Variants in FHIT observed in about 807,000 individuals in gnomAD.
FHIT encodes bis(5'-adenosyl)-triphosphatase.
Under a neutral mutation model 17.9 loss-of-function variants are expected in FHIT, and 19 were observed. The observed-to-expected ratio is 1.06, with a 90% CI of 0.74 to 1.56. The LOEUF is 1.56. Ranked by LOEUF, FHIT falls within the 40% of genes most tolerant of loss-of-function variation. The pLI is 0.00. For synonymous variants in FHIT, 81 were observed against 69.7 expected, an observed-to-expected ratio of 1.16 and a Z score of -0.81; for missense variants, 248 against 189.2, an observed-to-expected ratio of 1.31 and a Z score of -1.82.
intron 4 of FHIT, among the ~76,000 whole-genome samples, chr3:60,606,611 G>A (rs1018093355): frequency 6.6e-6 from 1 of 151,962 alleles, no homozygotes; most frequent in Non-Finnish European, 1.5e-5. Flanking sequence ...TAGTGAATTG[G>A]GTGCCTTTTC....
intron 4 of FHIT, among the ~76,000 whole-genome samples, chr3:60,665,311 G>A (rs370018064): frequency 6.6e-4 from 101 of 152,026 alleles, no homozygotes; most frequent in Admixed American, 1.7e-3. Flanking sequence ...TTGTGATGGC[G>A]CAATCTTCTA....
At chr3:60,724,041 G>T (rs1352326079) in intron 4 of FHIT, among the ~76,000 whole-genome samples, 1 of 152,114 alleles carries the variant, frequency 6.6e-6, no homozygotes, top group African/African-American at 2.4e-5. Flanking sequence ...TACAATTCAA[G>T]ATTTATATTC....
chr3:61,221,778 T>C (rs1488934180), intron 1 of FHIT, among the ~76,000 whole-genome samples: 2 of 152,182 alleles, frequency 1.3e-5, no homozygotes, highest in Admixed American at 6.5e-5. Flanking sequence ...GGTTGGAGAA[T>C]ACCAGCTCCC....
intron 3 of FHIT, among the ~76,000 whole-genome samples, chr3:60,986,934 C>T (rs1215095916): frequency 1.3e-5 from 2 of 152,204 alleles, no homozygotes; most frequent in East Asian, 1.9e-4. Flanking sequence ...GTCTACATTG[C>T]TTGGTTCATT....
chr3:60,961,342 T>G (rs181530935), intron 3 of FHIT, among the ~76,000 whole-genome samples: 129 of 152,346 alleles, frequency 8.5e-4, no homozygotes, highest in African/African-American at 2.6e-3. Context: ...CTTTGTCAGA[T>G]GCGTACATTG....
chr3:60,058,029 C>G (rs946207259), intron 5 of FHIT, among the ~76,000 whole-genome samples: 1 of 150,572 alleles, frequency 6.6e-6, no homozygotes, highest in African/African-American at 2.4e-5. Flanking sequence ...AATAGGCAAG[C>G]TTACAGAGAC....
intron 5 of FHIT, among the ~76,000 whole-genome samples, chr3:60,159,850 T>G (rs911378328): frequency 6.6e-6 from 1 of 152,100 alleles, no homozygotes; most frequent in African/African-American, 2.4e-5. Flanking sequence ...CTCATAACCA[T>G]GAGGACACAT....
intron 5 of FHIT, among the ~76,000 whole-genome samples, chr3:60,131,824 A>G (rs1157003087): frequency 6.6e-6 from 1 of 151,836 alleles, no homozygotes; most frequent in African/African-American, 2.4e-5. Flanking sequence ...TTGCTTTCCT[A>G]TCTCTTCTCA....
chr3:61,012,337 GACA>G (rs781703333), intron 3 of FHIT, among the ~76,000 whole-genome samples: 90 of 152,170 alleles, frequency 5.9e-4, no homozygotes, highest in Non-Finnish European at 1.1e-3. Context: ...TCTTTTTCAA[GACA>G]GTTTTTCTCT....
At chr3:60,983,853 A>G (rs1043070514) in intron 3 of FHIT, among the ~76,000 whole-genome samples, 2 of 152,210 alleles carry the variant, frequency 1.3e-5, no homozygotes, top group African/African-American at 4.8e-5. Context: ...TACAGCCTCA[A>G]AACACTTCTT....
intron 4 of FHIT, among the ~76,000 whole-genome samples, chr3:60,643,244 A>C: frequency 1.3e-5 from 2 of 149,170 alleles, no homozygotes; most frequent in East Asian, 2.0e-4. Context: ...TCTTTCCCCC[A>C]CCCCCCACAG....
chr3:60,150,944 T>TA (rs1245423568), intron 5 of FHIT, among the ~76,000 whole-genome samples: 1 of 152,110 alleles, frequency 6.6e-6, no homozygotes, highest in Admixed American at 6.6e-5. Flanking sequence ...ATTTAATTTT[T>TA]AAAAATCAGC....
At chr3:59,894,673 G>C (rs746893611) in intron 8 of FHIT, among the ~76,000 whole-genome samples, 1 of 152,128 alleles carries the variant, frequency 6.6e-6, no homozygotes, top group Non-Finnish European at 1.5e-5. Flanking sequence ...TGTTTGGACC[G>C]TGAAAGATCA....
intron 2 of FHIT, among the ~76,000 whole-genome samples, chr3:61,053,852 C>T (rs566086497): frequency 2.6e-5 from 4 of 152,186 alleles, no homozygotes; most frequent in South Asian, 2.1e-4. Context: ...CAATCTGGAG[C>T]GAACCCAATC....
chr3:60,410,659 T>G (rs997012776), intron 5 of FHIT, among the ~76,000 whole-genome samples: 1 of 152,212 alleles, frequency 6.6e-6, no homozygotes, highest in Non-Finnish European at 1.5e-5. Flanking sequence ...AATTTCCATA[T>G]GTAAGATAAA....
At chr3:60,470,681 G>T (rs1255259502) in intron 5 of FHIT, among the ~76,000 whole-genome samples, 1 of 151,988 alleles carries the variant, frequency 6.6e-6, no homozygotes, top group Non-Finnish European at 1.5e-5. Flanking sequence ...GAGATCCTAG[G>T]AGCCCACTTG....
At chr3:59,771,326 G>C (rs2106832310) in intron 8 of FHIT, among the ~76,000 whole-genome samples, 1 of 152,234 alleles carries the variant, frequency 6.6e-6, no homozygotes, top group East Asian at 1.9e-4. Context: ...GAATCATTCT[G>C]GGGAAAAGAT....
At chr3:60,112,282 G>C (rs1438964137) in intron 5 of FHIT, among the ~76,000 whole-genome samples, 5 of 152,156 alleles carry the variant, frequency 3.3e-5, no homozygotes, top group Non-Finnish European at 1.5e-5. Flanking sequence ...CATGGAACTT[G>C]TAAGGAGCCA....
chr3:60,962,292 CTT>C (rs1230069661), intron 3 of FHIT, among the ~76,000 whole-genome samples: 1 of 152,214 alleles, frequency 6.6e-6, no homozygotes, highest in Non-Finnish European at 1.5e-5. Flanking sequence ...TATCCTGAGA[CTT>C]TGCTGAAGTT....
Sources: allele counts gnomAD v4.1 joint callset (sites outside exome capture counted in the v4.1 genomes callset), GRCh38; gene constraint gnomAD v4.1.1; transcripts MANE v1.5; gene names NCBI Gene and HGNC (gene_info 2026-07-23, HGNC 2026-07-21).